GJA1: variants seen among roughly 807,000 people sequenced by gnomAD.
The protein encoded by GJA1 is gap junction protein alpha 1.
Under a neutral mutation model 31.0 loss-of-function variants are expected in GJA1, and 9 were observed. The observed-to-expected ratio is 0.29, with a 90% confidence interval of 0.17 to 0.51. The LOEUF is 0.51. GJA1 is among the 20% of genes least tolerant of loss of function. GJA1 has a pLI of 0.98. For synonymous variants in GJA1, 186 were observed against 180.1 expected (o/e 1.03, Z -0.26); for missense variants, 278 against 468.8 (o/e 0.59, Z 3.76).
intron 1 of GJA1, among the ~76,000 whole-genome samples, chr6:121,436,946 G>A (rs1230336982): frequency 1.3e-5 from 2 of 152,188 alleles, no homozygotes; most frequent in East Asian, 1.9e-4. Context: ...TTTTGTGCCC[G>A]GTAAAGATTT....
Position 121,449,118 on chromosome 6 carries a change from T to C in GJA1, c.*1122T>C, listed in dbSNP as rs1024679424. The C allele has an allele frequency of 7.8e-5, 13 of 166,850 alleles. No individual in the cohort carries two copies. The highest frequency in any genetic ancestry group is 3.1e-4 in the African/African-American group (13 of 41,484). 10.3% of individuals were successfully genotyped at this position (166,850 alleles called of 1,614,324 possible). A position where few individuals can be genotyped will look rare whatever the true frequency, so the allele number is the denominator to read the frequency against. ...TTTTTTTAGGATATAGCAGTAATGC[T>C]ATTACTGAAATGAATTTCCTTTTTC... is the stretch of plus-strand genomic sequence containing the variant. On this transcript the variant is annotated 3_prime_UTR_variant, in exon 2 of 2. Coordinates refer to ENST00000282561, the MANE Select transcript of GJA1 (RefSeq NM_000165.5).
rs1773934517 is a variant in GJA1, at chr6:121,448,758, C to CT, written c.*762_*763insT. 1.5e-5 allele frequency: 2 copies of CT among 133,438 alleles called. No homozygotes were observed. Among genetic ancestry groups the CT allele is most frequent in the South Asian group, 2.3e-4 (1 of 4,444 alleles). 8.3% of individuals were successfully genotyped at this position (133,438 alleles called of 1,614,324 possible). On this transcript the variant is annotated 3_prime_UTR_variant, in exon 2 of 2. Transcript: ENST00000282561. ...TTAAGACAGTTGGGATGTCACTTAA[C>CT]ATTTTTTTTTTGAGCTAAAGTCAGG... is the stretch of plus-strand genomic sequence containing the variant.
intron 1 of GJA1, among the ~76,000 whole-genome samples, chr6:121,441,803 A>C (rs1773797029): frequency 6.6e-6 from 1 of 152,132 alleles, no homozygotes; most frequent in Non-Finnish European, 1.5e-5. Context: ...GAAACCTAGC[A>C]AACTGATGAT....
In GJA1 at chr6:121,445,719, T is replaced by C. The variant is rs146256470; in HGVS notation, c.-16-1113T>C. Among the ~76,000 whole-genome samples the C allele has an allele frequency of 2.6e-3, 393 of 152,362 alleles. 1 individual carries two copies. The highest frequency in any genetic ancestry group is 4.4e-3 in the Non-Finnish European group (302 of 68,036). ...TGAAGTGTGATGTGTATTTAGTCTTTGTTTTTCAAAGTAGGTTACTACATA... is the reference window on the plus strand; with the variant it reads ...TGAAGTGTGATGTGTATTTAGTCTTCGTTTTTCAAAGTAGGTTACTACATA... On this transcript the variant is annotated intron_variant, in intron 1 of 1. Coordinates refer to ENST00000282561, the MANE Select transcript of GJA1 (RefSeq NM_000165.5).
At chr6:121,442,010 C>T (rs1380020660) in intron 1 of GJA1, among the ~76,000 whole-genome samples, 1 of 152,088 alleles carries the variant, frequency 6.6e-6, no homozygotes, top group African/African-American at 2.4e-5. Context: ...CCCTTTCCTC[C>T]CAAAAAATCC....
chr6:121,449,059 G>T lies in GJA1; in HGVS notation c.*1063G>T, dbSNP rs1773940684. The T allele has an allele frequency of 6.0e-6, 1 of 165,720 alleles. No homozygotes were observed. The highest frequency in any genetic ancestry group is 2.4e-5 in the African/African-American group (1 of 41,378). 10.3% of individuals were successfully genotyped at this position (165,720 alleles called of 1,614,324 possible). Reference sequence around the variant, plus strand: ...CCCTGTGTATCCTATTATGGATACTGGTTTTGTTAATTATGATTCTTTATT... The same window carrying T: ...CCCTGTGTATCCTATTATGGATACTTGTTTTGTTAATTATGATTCTTTATT... On this transcript the variant is annotated 3_prime_UTR_variant, in exon 2 of 2. Coordinates refer to ENST00000282561, the MANE Select transcript of GJA1 (RefSeq NM_000165.5).
intron 1 of GJA1, among the ~76,000 whole-genome samples, chr6:121,443,971 G>GAAACT (rs1458194566): frequency 6.6e-6 from 1 of 152,194 alleles, no homozygotes; most frequent in Non-Finnish European, 1.5e-5. Flanking sequence ...TCATCACATA[G>GAAACT]AAACTGTCTA....
intron 1 of GJA1, among the ~76,000 whole-genome samples, chr6:121,440,747 C>A (rs1256961340): frequency 7.1e-6 from 1 of 140,328 alleles, no homozygotes; most frequent in Admixed American, 7.2e-5. Context: ...CTTTTCTTTT[C>A]TTTTCTTTTT....
intron 1 of GJA1, among the ~76,000 whole-genome samples, chr6:121,439,672 A>G (rs964729769): frequency 6.6e-5 from 10 of 152,206 alleles, no homozygotes; most frequent in African/African-American, 2.4e-4. Flanking sequence ...CTCACACCTC[A>G]ATTCCCATCT....
chr6:121,440,912 T>TTTGTTGTTGTTG (rs59447853), intron 1 of GJA1, among the ~76,000 whole-genome samples: 3 of 142,300 alleles, frequency 2.1e-5, no homozygotes, highest in African/African-American at 8.3e-5. Flanking sequence ...TGGCTACTTT[T>TTTGTTGTTGTTG]TTGTTGTTGT....
intron 1 of GJA1, among the ~76,000 whole-genome samples, chr6:121,437,342 C>G (rs1413601790): frequency 6.6e-6 from 1 of 150,656 alleles, no homozygotes; most frequent in Non-Finnish European, 1.5e-5. Flanking sequence ...TCCCATCCCT[C>G]TCACACCAGC....
chr6:121,438,873 C>T (rs943206124), intron 1 of GJA1, among the ~76,000 whole-genome samples: 1 of 151,984 alleles, frequency 6.6e-6, no homozygotes, highest in African/African-American at 2.4e-5. Flanking sequence ...TATGTATGTA[C>T]AGATTGTCTT....
At chr6:121,436,235 G>A (rs1209948228) in intron 1 of GJA1, among the ~76,000 whole-genome samples, 1 of 147,308 alleles carries the variant, frequency 6.8e-6, no homozygotes, top group Non-Finnish European at 1.5e-5. Flanking sequence ...TGACTACATC[G>A]GAAAAATCAA....
chr6:121,444,320 G>A (rs1773848383), intron 1 of GJA1, among the ~76,000 whole-genome samples: 1 of 152,148 alleles, frequency 6.6e-6, no homozygotes, highest in South Asian at 2.1e-4. Flanking sequence ...CACTGGGGGA[G>A]TGTTATTTCT....
At chr6:121,438,162 C>T (rs918761923) in intron 1 of GJA1, among the ~76,000 whole-genome samples, 1 of 152,196 alleles carries the variant, frequency 6.6e-6, no homozygotes, top group African/African-American at 2.4e-5. Flanking sequence ...ATTGTTCCCC[C>T]AGTGTGGGGG....
intron 1 of GJA1, among the ~76,000 whole-genome samples, chr6:121,446,598 C>A (rs532275727): frequency 1.3e-5 from 2 of 152,222 alleles, no homozygotes; most frequent in African/African-American, 4.8e-5. Flanking sequence ...TGCAACTCAT[C>A]ATCTGTTGCT....
Position 121,448,988 on chromosome 6 carries a change from G to C in GJA1, c.*992G>C, listed in dbSNP as rs903940354. 6.0e-6 allele frequency: 1 copy of C among 166,022 alleles called. No homozygotes were observed. Among genetic ancestry groups the C allele is most frequent in the African/African-American group, 2.4e-5 (1 of 41,422 alleles). The allele number at this position is 166,022 out of a possible 1,614,324, so 10.3% of individuals were successfully genotyped here. A position where few individuals can be genotyped will look rare whatever the true frequency, so the allele number is the denominator to read the frequency against. ...ATGGTGTTTACATTATATAATTCCT[G>C]CTGTGGCAAGTAAAGCACACTTTTT... On this transcript the variant is annotated 3_prime_UTR_variant, in exon 2 of 2. Transcript: ENST00000282561.
chr6:121,439,010 A>T (rs1195054169), intron 1 of GJA1, among the ~76,000 whole-genome samples: 1 of 151,860 alleles, frequency 6.6e-6, no homozygotes, highest in Non-Finnish European at 1.5e-5. Flanking sequence ...ATATATGTTT[A>T]TCGTCAGCTG....
chr6:121,449,514 T>C lies in GJA1; in HGVS notation c.*1518T>C, dbSNP rs540478741. 3.0e-5 allele frequency: 5 copies of C among 167,044 alleles called. No individual in the cohort carries two copies. The highest frequency in any genetic ancestry group is 9.6e-5 in the African/African-American group (4 of 41,460). 10.3% of individuals were successfully genotyped at this position (167,044 alleles called of 1,614,324 possible). ...CTTTTTTAAAACTCATCACAGAAGA[T>C]TGGTGAAAATGCTGAGTATGACACT... On this transcript the variant is annotated 3_prime_UTR_variant, in exon 2 of 2. Transcript: ENST00000282561.
Sources: allele counts gnomAD v4.1 joint callset (sites outside exome capture counted in the v4.1 genomes callset), GRCh38; gene constraint gnomAD v4.1.1; transcripts MANE v1.5; gene names NCBI Gene and HGNC (gene_info 2026-07-23, HGNC 2026-07-21).